Variants in CDH4 observed in about 807,000 individuals in gnomAD.
CDH4 encodes cadherin-4.
A neutral mutation model predicts 86.0 loss-of-function variants in CDH4; 33 were observed. That is an observed-to-expected ratio of 0.38 (90% CI 0.29 to 0.51). The LOEUF (loss-of-function observed/expected upper bound fraction) is 0.51, where lower values mean the gene tolerates loss of function less well. Among genes scored for constraint, CDH4 ranks in the 20% least tolerant of loss-of-function variants. The pLI, the probability that CDH4 is intolerant of heterozygous loss-of-function variation, is 0.86. For missense variants in CDH4, 1,114 were observed against 1,307.4 expected, an observed-to-expected ratio of 0.85 and a Z score of 2.28; for synonymous variants, 555 against 549.4, an observed-to-expected ratio of 1.01 and a Z score of -0.14.
intron 2 of CDH4, among the ~76,000 whole-genome samples, chr20:61,268,364 T>G (rs2084167765): frequency 6.6e-6 from 1 of 152,228 alleles, no homozygotes; most frequent in South Asian, 2.1e-4. Context: ...AGCCAGGCAG[T>G]GGGAGCCGAG....
At chr20:61,535,201 A>G (rs188823648) in intron 2 of CDH4, among the ~76,000 whole-genome samples, 93 of 152,348 alleles carry the variant, frequency 6.1e-4, no homozygotes, top group African/African-American at 2.0e-3. Flanking sequence ...CAGGCGAGGA[A>G]GCTGAGGCTC....
Position 61,879,973 on chromosome 20 carries a change from A to G in CDH4, c.1050+6073A>G, listed in dbSNP as rs1984208782. Among the ~76,000 whole-genome samples, 4 of 152,124 alleles carry G rather than the reference A, an allele frequency of 2.6e-5. No homozygotes were observed. Among genetic ancestry groups the G allele is most frequent in the Admixed American group, 2.6e-4 (4 of 15,268 alleles). ...CCGAATTCGTGATCTCCTGGTCTGAAAGGATTCTGGGGAAAGCAAAACCCA... is the reference window on the plus strand; with the variant it reads ...CCGAATTCGTGATCTCCTGGTCTGAGAGGATTCTGGGGAAAGCAAAACCCA... On this transcript the variant is annotated intron_variant, in intron 7 of 15. Transcript: ENST00000614565. The surrounding 1 kb of genome is among the most constrained non-coding windows in gnomAD (Gnocchi z 4.1).
At chr20:61,435,120 T>C (rs2085273366) in intron 2 of CDH4, among the ~76,000 whole-genome samples, 1 of 152,154 alleles carries the variant, frequency 6.6e-6, no homozygotes, top group South Asian at 2.1e-4. Flanking sequence ...GATTGTGAGA[T>C]TGTGTAGGCA....
intron 3 of CDH4, among the ~76,000 whole-genome samples, chr20:61,766,518 A>G (rs1049879136): frequency 2.0e-5 from 3 of 152,118 alleles, no homozygotes; most frequent in East Asian, 1.9e-4. Flanking sequence ...ATGTCTGTCA[A>G]TGCTCCCTAG....
At chr20:61,801,650 C>A (rs1014938134) in intron 4 of CDH4, among the ~76,000 whole-genome samples, 13 of 151,316 alleles carry the variant, frequency 8.6e-5, no homozygotes, top group African/African-American at 3.2e-4. Context: ...TAGGGGAGGA[C>A]CCATCTCCTG....
chr20:61,449,642 TA>T (rs67009027), intron 2 of CDH4, among the ~76,000 whole-genome samples: 3,339 of 151,700 alleles, frequency 0.022, 71 homozygotes, highest in Middle Eastern at 0.048. Context: ...GGTAGAGAAT[TA>T]AAAAAAAAAT....
chr20:61,901,528 C>CA (rs2054726972), intron 8 of CDH4, among the ~76,000 whole-genome samples: 1 of 152,278 alleles, frequency 6.6e-6, no homozygotes, highest in Non-Finnish European at 1.5e-5. Context: ...CCCAGCCAGA[C>CA]AGGAGCCGTC....
chr20:61,311,340 A>G (rs1451020032), intron 2 of CDH4, among the ~76,000 whole-genome samples: 1 of 152,250 alleles, frequency 6.6e-6, no homozygotes, highest in Admixed American at 6.5e-5. Context: ...TTAGAAATAA[A>G]TTTTATTAAA....
chr20:61,546,926 C>G (rs918661392), intron 2 of CDH4, among the ~76,000 whole-genome samples: 1 of 152,102 alleles, frequency 6.6e-6, no homozygotes, highest in Non-Finnish European at 1.5e-5. Context: ...TCTCTTCTTC[C>G]GTCTCCGTGC....
intron 13 of CDH4, 79 bp from the exon 14 acceptor site, chr20:61,932,906 C>T: frequency 6.4e-7 from 1 of 1,551,422 alleles, no homozygotes. Context: ...TACATGCCCA[C>T]ATAGACACAT....
chr20:61,648,715 G>A (rs942326941), intron 2 of CDH4, among the ~76,000 whole-genome samples: 2 of 152,306 alleles, frequency 1.3e-5, no homozygotes, highest in Middle Eastern at 6.8e-3. Flanking sequence ...CAGGGTTCAT[G>A]TTGAGCCAAG....
At chr20:61,438,105 T>C (rs1296376066) in intron 2 of CDH4, among the ~76,000 whole-genome samples, 2 of 152,362 alleles carry the variant, frequency 1.3e-5, no homozygotes, top group Middle Eastern at 3.4e-3. Context: ...TCTGCCACCC[T>C]GAACCCTGCT....
chr20:61,348,020 G>A (rs777252579), intron 2 of CDH4, among the ~76,000 whole-genome samples: 2 of 152,220 alleles, frequency 1.3e-5, no homozygotes, highest in African/African-American at 2.4e-5. Context: ...GGGAACAGGT[G>A]TGCCTGTAAC....
intron 4 of CDH4, among the ~76,000 whole-genome samples, chr20:61,817,366 C>CT (rs2146057823): frequency 6.6e-6 from 1 of 152,290 alleles, no homozygotes; most frequent in Non-Finnish European, 1.5e-5. Flanking sequence ...GCTCTCTGGG[C>CT]TTAGCCTACC....
At chr20:61,639,889 C>T (rs1353315657) in intron 2 of CDH4, among the ~76,000 whole-genome samples, 3 of 152,142 alleles carry the variant, frequency 2.0e-5, no homozygotes, top group African/African-American at 4.8e-5. Context: ...TGAAAATGCC[C>T]ATCTTTGTCA....
At chr20:61,632,695 C>T (rs1007215671) in intron 2 of CDH4, among the ~76,000 whole-genome samples, 39 of 151,682 alleles carry the variant, frequency 2.6e-4, no homozygotes, top group South Asian at 6.3e-4. Flanking sequence ...TCACTTCCCC[C>T]ATGTACCTGA....
At chr20:61,399,147 A>T in intron 2 of CDH4, among the ~76,000 whole-genome samples, 1 of 33,556 alleles carries the variant, frequency 3.0e-5, no homozygotes, top group African/African-American at 2.0e-4. Context: ...TTTTTTTGAG[A>T]CGGAGTCTCA....
intron 9 of CDH4, among the ~76,000 whole-genome samples, chr20:61,912,310 TAGG>T (rs1253151349): frequency 1.3e-5 from 2 of 152,192 alleles, no homozygotes; most frequent in East Asian, 3.8e-4. Context: ...AGCTAGATGT[TAGG>T]AGATCACAGG....
intron 2 of CDH4, among the ~76,000 whole-genome samples, chr20:61,320,718 A>G (rs1266144650): frequency 2.0e-5 from 3 of 151,892 alleles, no homozygotes; most frequent in African/African-American, 7.3e-5. Flanking sequence ...AGGTCGAGGA[A>G]GCCTGGCTTT....
Sources: allele counts gnomAD v4.1 joint callset (sites outside exome capture counted in the v4.1 genomes callset), GRCh38; gene constraint gnomAD v4.1.1; non-coding constraint Gnocchi (gnomAD v3.1); transcripts MANE v1.5; gene names NCBI Gene and HGNC (gene_info 2026-07-23, HGNC 2026-07-21).